BORA: variants seen among roughly 807,000 people sequenced by gnomAD.
BORA encodes BORA aurora kinase A activator, also known as protein aurora borealis.
BORA carries 26 observed loss-of-function variants against 55.8 expected under a neutral mutation model. That is an observed-to-expected ratio of 0.47 (90% CI 0.34 to 0.65). BORA has a LOEUF of 0.65. Among genes scored for constraint, BORA ranks in the 30% least tolerant of loss-of-function variants. The pLI, the probability that BORA is intolerant of heterozygous loss-of-function variation, is 0.01. For missense variants in BORA, 568 were observed against 671.5 expected, an observed-to-expected ratio of 0.85 and a Z score of 1.70; for synonymous variants, 201 against 216.9, an observed-to-expected ratio of 0.93 and a Z score of 0.64.
chr13:72,749,830 T>A (rs1163811862), intron 10 of BORA, among the ~76,000 whole-genome samples: 1 of 152,162 alleles, frequency 6.6e-6, no homozygotes, highest in South Asian at 2.1e-4. Flanking sequence ...TGACAACTTA[T>A]TGATTACATC....
intron 10 of BORA, among the ~76,000 whole-genome samples, chr13:72,751,683 G>A (rs937088590): frequency 1.3e-5 from 2 of 152,106 alleles, no homozygotes; most frequent in Admixed American, 1.3e-4. Context: ...AGCTCTATAC[G>A]GTGAGTGTAA....
intron 10 of BORA, among the ~76,000 whole-genome samples, chr13:72,748,479 G>C (rs961641251): frequency 6.6e-6 from 1 of 152,152 alleles, no homozygotes; most frequent in Non-Finnish European, 1.5e-5. Flanking sequence ...TTGGCATGCT[G>C]AAGTTAAAAC....
chr13:72,734,255 A>G (rs2032874340), intron 3 of BORA, among the ~76,000 whole-genome samples: 1 of 152,222 alleles, frequency 6.6e-6, no homozygotes, highest in Non-Finnish European at 1.5e-5. Flanking sequence ...AATATGTCTT[A>G]CCAATTTACT....
At position 72,745,160 on chromosome 13, in the gene BORA, G is replaced by A; in HGVS notation, c.691G>A (p.Asp231Asn). The A allele has an allele frequency of 6.2e-7, 1 of 1,614,086 alleles. No homozygotes were observed. The highest frequency in any genetic ancestry group is 8.5e-7 in the Non-Finnish European group (1 of 1,179,964). Residue 231 changes from aspartate (D) to asparagine (N), a missense_variant, in exon 8 of 12, where the codon GAT becomes AAT. By Grantham distance (23) the Asp-to-Asn change is conservative (BLOSUM62 1). Transcript: ENST00000390667. The stretch of plus-strand genomic sequence containing the variant: ...ATCACTAGAGATGTTTTATTCAATA[G>A]ATTTGTCTCCTGTAAAGTGTAGGAG... ...QTSLEMFYSI[D>N]LSPVKCRSPL... is the part of the protein sequence containing the mutation.
At chr13:72,737,614 G>A (rs1033102414) in intron 4 of BORA, among the ~76,000 whole-genome samples, 1 of 151,942 alleles carries the variant, frequency 6.6e-6, no homozygotes, top group Non-Finnish European at 1.5e-5. Context: ...ATTCATACTG[G>A]CCTACTTGCA....
intron 10 of BORA, among the ~76,000 whole-genome samples, chr13:72,751,957 G>C (rs937119723): frequency 6.6e-6 from 1 of 152,174 alleles, no homozygotes; most frequent in African/African-American, 2.4e-5. Flanking sequence ...AGAATGATGA[G>C]GGAAGGGCTA....
At chr13:72,748,993 C>T (rs2033209128) in intron 10 of BORA, among the ~76,000 whole-genome samples, 1 of 151,994 alleles carries the variant, frequency 6.6e-6, no homozygotes, top group African/African-American at 2.4e-5. Flanking sequence ...TATGTGATAC[C>T]CCCCAAGCAG....
chr13:72,737,746 G>A (rs1327085543), intron 4 of BORA, among the ~76,000 whole-genome samples: 1 of 152,008 alleles, frequency 6.6e-6, no homozygotes, highest in Non-Finnish European at 1.5e-5. Context: ...TAGTTTGCAA[G>A]TTTCAAATTT....
At chr13:72,738,084 T>C (rs1357234979) in intron 5 of BORA, 41 bp downstream of exon 5, 1 of 1,446,126 alleles carries the variant, frequency 6.9e-7, no homozygotes, top group Admixed American at 1.8e-5. Context: ...ATCAAAAAAG[T>C]CGGTGAATAT....
chr13:72,734,329 G>A (rs1028409440), intron 3 of BORA, among the ~76,000 whole-genome samples: 1 of 152,118 alleles, frequency 6.6e-6, no homozygotes, highest in African/African-American at 2.4e-5. Context: ...GCTAACTGCT[G>A]AGTCCTTGGC....
At chr13:72,743,112 C>G (rs1221674166) in intron 5 of BORA, among the ~76,000 whole-genome samples, 1 of 152,012 alleles carries the variant, frequency 6.6e-6, no homozygotes, top group Non-Finnish European at 1.5e-5. Context: ...GTAACTATAG[C>G]TGATAATGAG....
At chr13:72,747,434 C>T (rs2033173510) in intron 10 of BORA, among the ~76,000 whole-genome samples, 1 of 152,050 alleles carries the variant, frequency 6.6e-6, no homozygotes, top group Non-Finnish European at 1.5e-5. Context: ...TGGATCCAGT[C>T]CCCCAAAACA....
chr13:72,743,753 A>T, intron 6 of BORA, 151 bp downstream of exon 6: 3 of 584,642 alleles, frequency 5.1e-6, no homozygotes, highest in South Asian at 2.6e-5. Flanking sequence ...AGACAGGGTC[A>T]CACTCTGTCA....
chr13:72,732,645 C>T (rs2032843355), intron 3 of BORA, among the ~76,000 whole-genome samples: 2 of 152,064 alleles, frequency 1.3e-5, no homozygotes, highest in Non-Finnish European at 2.9e-5. Flanking sequence ...CCATTGCACT[C>T]TAGCCTGGGG....
At chr13:72,735,102 C>T in intron 4 of BORA, 97 bp downstream of exon 4, 2 of 934,718 alleles carry the variant, frequency 2.1e-6, no homozygotes, top group South Asian at 1.5e-5. Flanking sequence ...CCTTCACTGT[C>T]CTATCTCCCC....
intron 8 of BORA, 146 bp from the exon 9 acceptor site, chr13:72,745,798 G>T (rs1180926357): frequency 3.6e-6 from 2 of 549,996 alleles, no homozygotes; most frequent in South Asian, 9.7e-5. Context: ...CTTCTTAGTT[G>T]TCTTTGTTGC....
In BORA at chr13:72,743,590, G is replaced by A. The variant is rs1215510627; in HGVS notation, c.442G>A (p.Glu148Lys). Reference protein sequence around the residue: ...PVGKKLTIHSEKSDAACQTLL... With the variant: ...PVGKKLTIHSKKSDAACQTLL... The stretch of plus-strand genomic sequence containing the variant: ...TGGAAAAAAGCTGACCATTCATTCT[G>A]AGAAAAGCGATGGTGAGTATGAACA... Residue 148 changes from glutamate to lysine, a missense_variant, in exon 6 of 12, where the codon GAG becomes AAG. Glu to Lys is a moderately conservative substitution (Grantham distance 56). Coordinates refer to ENST00000390667, the MANE Select transcript of BORA (RefSeq NM_024808.5). The A allele has an allele frequency of 1.3e-5, 21 of 1,604,898 alleles. No individual in the cohort carries two copies. The highest frequency in any genetic ancestry group is 1.7e-5 in the Non-Finnish European group (20 of 1,177,304).
intron 4 of BORA, among the ~76,000 whole-genome samples, chr13:72,735,434 C>A (rs761896932): frequency 2.0e-5 from 3 of 151,888 alleles, no homozygotes; most frequent in Non-Finnish European, 4.4e-5. Flanking sequence ...ATGGCTTTGT[C>A]TTTTTTTGTT....
At chr13:72,728,402 A>G (rs2032733097) in intron 1 of BORA, 8 of 595,526 alleles carry the variant, frequency 1.3e-5, no homozygotes, top group South Asian at 6.1e-5. Context: ...GCCCCTGTCA[A>G]TCATACTTCT....
Sources: allele counts gnomAD v4.1 joint callset (sites outside exome capture counted in the v4.1 genomes callset), GRCh38; gene constraint gnomAD v4.1.1; transcripts MANE v1.5; gene names NCBI Gene and HGNC (gene_info 2026-07-23, HGNC 2026-07-21).